KHDRBS2: variants seen among roughly 807,000 people sequenced by gnomAD.
KHDRBS2 encodes KH RNA binding domain containing, signal transduction associated 2, also known as KH domain-containing, RNA-binding, signal transduction-associated protein 2.
KHDRBS2 carries 26 observed loss-of-function variants against 44.3 expected under a neutral mutation model. The observed-to-expected ratio is 0.59, with a 90% CI of 0.43 to 0.81. The LOEUF (loss-of-function observed/expected upper bound fraction) is 0.81. Among genes scored for constraint, KHDRBS2 ranks in the 40% least tolerant of loss-of-function variants. The pLI, the probability that KHDRBS2 is intolerant of heterozygous loss-of-function variation, is 0.00. For missense variants in KHDRBS2, 476 were observed against 433.1 expected (o/e 1.10, Z -0.88); for synonymous variants, 194 against 151.1 (o/e 1.28, Z -2.08).
At chr6:62,034,024 G>A (rs1406949097) in intron 3 of KHDRBS2, among the ~76,000 whole-genome samples, 2 of 151,556 alleles carry the variant, frequency 1.3e-5, no homozygotes, top group Admixed American at 1.3e-4. Flanking sequence ...ATCATTTGTG[G>A]CTATTAAGAG....
At chr6:61,765,841 T>G (rs995023281) in intron 6 of KHDRBS2, among the ~76,000 whole-genome samples, 8 of 152,166 alleles carry the variant, frequency 5.3e-5, no homozygotes, top group African/African-American at 1.7e-4. Flanking sequence ...CACTGAGTCA[T>G]GATGAATGAT....
chr6:62,050,329 A>G (rs925632660), intron 2 of KHDRBS2, among the ~76,000 whole-genome samples: 3 of 151,858 alleles, frequency 2.0e-5, no homozygotes, highest in Non-Finnish European at 4.4e-5. Flanking sequence ...GAAATACCTA[A>G]TGTAGATGAT....
rs1195029383 is a variant in KHDRBS2, at chr6:62,064,826, C to T, written c.220-16832G>A. ...AGCTTCTGCACAGCAAAAGAAACTA[C>T]CATCAGAGTGAACAGGCAACCTACA... On this transcript the variant is annotated intron_variant, in intron 2 of 8. Coordinates refer to ENST00000281156, the MANE Select transcript of KHDRBS2 (RefSeq NM_152688.4). Among the ~76,000 whole-genome samples, 22 of 151,364 alleles carry T rather than the reference C, an allele frequency of 1.5e-4. No homozygotes were observed. In the South Asian group the frequency reaches 4.0e-3, roughly 27 times the overall value.
At chr6:61,654,907 A>G in the KHDRBS2 span, among the ~76,000 whole-genome samples, 7 of 151,600 alleles carry the variant, frequency 4.6e-5, no homozygotes, top group African/African-American at 1.7e-4. Context: ...ATGTTGGGAA[A>G]ATAACCTGAC....
chr6:62,184,306 A>C (rs1020079508), intron 1 of KHDRBS2, among the ~76,000 whole-genome samples: 1 of 151,750 alleles, frequency 6.6e-6, no homozygotes, highest in African/African-American at 2.4e-5. Flanking sequence ...CACAAATTTT[A>C]CCTCTTTGAT....
the KHDRBS2 span, among the ~76,000 whole-genome samples, chr6:61,665,807 T>C: frequency 6.6e-6 from 1 of 151,102 alleles, no homozygotes; most frequent in East Asian, 2.0e-4. Flanking sequence ...TAATTTAATT[T>C]TGAAATTTAA....
At chr6:62,195,903 T>C (rs748770024) in intron 1 of KHDRBS2, among the ~76,000 whole-genome samples, 2 of 152,168 alleles carry the variant, frequency 1.3e-5, no homozygotes, top group Non-Finnish European at 2.9e-5. Flanking sequence ...TTAGAAATAA[T>C]GTTTTAAAAT....
At chr6:61,686,690 G>A (rs1446920774) in intron 8 of KHDRBS2, among the ~76,000 whole-genome samples, 1 of 151,508 alleles carries the variant, frequency 6.6e-6, no homozygotes, top group East Asian at 1.9e-4. Context: ...TTTTAAAGCT[G>A]AGGAAACTAT....
At chr6:61,967,049 A>C (rs1770126651) in intron 4 of KHDRBS2, among the ~76,000 whole-genome samples, 1 of 151,414 alleles carries the variant, frequency 6.6e-6, no homozygotes, top group Non-Finnish European at 1.5e-5. Flanking sequence ...AACTGAGATA[A>C]ATTTAAAAAA....
the KHDRBS2 span, among the ~76,000 whole-genome samples, chr6:61,581,579 CACAATAT>C: frequency 0.63 from 91,643 of 144,852 alleles, 29,056 homozygotes; most frequent in Admixed American, 0.68. Context: ...ATATACAATA[CACAATAT>C]ACAATATACA....
chr6:61,586,693 G>A, the KHDRBS2 span, among the ~76,000 whole-genome samples: 3 of 152,028 alleles, frequency 2.0e-5, no homozygotes, highest in Non-Finnish European at 2.9e-5. Context: ...GGGATCCAGC[G>A]GCCATGTTCC....
At chr6:62,140,052 T>A (rs1444185699) in intron 2 of KHDRBS2, among the ~76,000 whole-genome samples, 2 of 152,224 alleles carry the variant, frequency 1.3e-5, no homozygotes, top group Non-Finnish European at 2.9e-5. Context: ...TATGGTTTAT[T>A]AATCTTATTC....
At chr6:61,560,586 G>T in the KHDRBS2 span, among the ~76,000 whole-genome samples, 1 of 151,786 alleles carries the variant, frequency 6.6e-6, no homozygotes, top group Non-Finnish European at 1.5e-5. Flanking sequence ...AATTCATTCT[G>T]CTGTTAAAGG....
At chr6:62,255,455 A>G (rs1321785985) in intron 1 of KHDRBS2, among the ~76,000 whole-genome samples, 1 of 152,088 alleles carries the variant, frequency 6.6e-6, no homozygotes, top group Non-Finnish European at 1.5e-5. Flanking sequence ...TATGGATGTA[A>G]CACTAAGAAA....
At chr6:62,102,571 G>A (rs192473934) in intron 2 of KHDRBS2, among the ~76,000 whole-genome samples, 83 of 152,236 alleles carry the variant, frequency 5.5e-4, no homozygotes, top group African/African-American at 1.9e-3. Flanking sequence ...TGTGTGTTTC[G>A]GCCCGTTTCT....
the KHDRBS2 span, among the ~76,000 whole-genome samples, chr6:61,551,296 T>A: frequency 6.6e-6 from 1 of 151,818 alleles, no homozygotes; most frequent in Non-Finnish European, 1.5e-5. Flanking sequence ...TCTGCAAATA[T>A]TTTTTCCCAT....
chr6:62,094,402 A>G (rs1800122916), intron 2 of KHDRBS2, among the ~76,000 whole-genome samples: 1 of 151,626 alleles, frequency 6.6e-6, no homozygotes, highest in Non-Finnish European at 1.5e-5. Context: ...TTGTTCTTGA[A>G]TTATTTAAAT....
At chr6:61,955,019 CACAT>C (rs1482071997) in intron 4 of KHDRBS2, among the ~76,000 whole-genome samples, 3 of 141,998 alleles carry the variant, frequency 2.1e-5, no homozygotes, top group East Asian at 2.2e-4. Flanking sequence ...TATGTATACA[CACAT>C]ACATATATAC....
intron 6 of KHDRBS2, among the ~76,000 whole-genome samples, chr6:61,773,665 A>G (rs1261453886): frequency 6.6e-6 from 1 of 150,604 alleles, no homozygotes; most frequent in Non-Finnish European, 1.5e-5. Context: ...CCATTTGTCA[A>G]TTTTGGCTTT....
Sources: allele counts gnomAD v4.1 joint callset (sites outside exome capture counted in the v4.1 genomes callset), GRCh38; gene constraint gnomAD v4.1.1; transcripts MANE v1.5; gene names NCBI Gene and HGNC (gene_info 2026-07-23, HGNC 2026-07-21).